RIMS2: variants seen among roughly 807,000 people sequenced by gnomAD.
RIMS2 encodes regulating synaptic membrane exocytosis protein 2.
A neutral mutation model predicts 174.4 loss-of-function variants in RIMS2; 59 were observed. That is an observed-to-expected ratio of 0.34 (90% CI 0.27 to 0.42). RIMS2 has a LOEUF of 0.42. RIMS2 is among the 10% of genes least tolerant of loss of function. RIMS2 has a pLI of 1.00. For missense variants in RIMS2, 1,620 were observed against 1,666.3 expected, an observed-to-expected ratio of 0.97 and a Z score of 0.48; for synonymous variants, 606 against 572.5, an observed-to-expected ratio of 1.06 and a Z score of -0.84.
chr8:103,922,813 G>A, intron 10 of RIMS2: 3 of 210,814 alleles, frequency 1.4e-5, no homozygotes, highest in South Asian at 5.4e-5. Context: ...AGGAGTTATA[G>A]GAAGTATATG....
intron 1 of RIMS2, among the ~76,000 whole-genome samples, chr8:103,680,286 G>A (rs192583162): frequency 3.3e-5 from 5 of 152,054 alleles, no homozygotes; most frequent in South Asian, 2.1e-4. Flanking sequence ...AAGAAAGGAC[G>A]AACTAGCTAG....
intron 19 of RIMS2, among the ~76,000 whole-genome samples, chr8:104,016,645 T>A (rs1318543219): frequency 1.3e-5 from 2 of 152,106 alleles, no homozygotes; most frequent in Non-Finnish European, 2.9e-5. Flanking sequence ...TTTATGGAAC[T>A]TTTTGTCTCT....
chr8:103,593,628 C>T (rs1470965077), intron 1 of RIMS2, among the ~76,000 whole-genome samples: 1 of 151,388 alleles, frequency 6.6e-6, no homozygotes, highest in Non-Finnish European at 1.5e-5. Context: ...AACACAGAAG[C>T]AGATATGAAA....
intron 17 of RIMS2, among the ~76,000 whole-genome samples, chr8:104,009,190 A>G (rs1256005346): frequency 2.0e-5 from 3 of 151,822 alleles, no homozygotes; most frequent in Non-Finnish European, 2.9e-5. Flanking sequence ...AATGTTTTCT[A>G]GTATATTTTA....
intron 19 of RIMS2, among the ~76,000 whole-genome samples, chr8:104,159,470 T>C (rs2134583365): frequency 6.6e-6 from 1 of 152,336 alleles, no homozygotes; most frequent in Non-Finnish European, 1.5e-5. Context: ...GCATTGAACC[T>C]ATAAATTACC....
intron 2 of RIMS2, among the ~76,000 whole-genome samples, chr8:103,741,439 T>C (rs1359870910): frequency 1.3e-5 from 2 of 152,140 alleles, no homozygotes; most frequent in African/African-American, 4.8e-5. Context: ...TCACAAATTA[T>C]TTTTAATTAT....
intron 1 of RIMS2, among the ~76,000 whole-genome samples, chr8:103,607,142 G>A (rs1189499118): frequency 6.6e-6 from 1 of 152,098 alleles, no homozygotes; most frequent in Non-Finnish European, 1.5e-5. Context: ...GCTGGTGCCG[G>A]TTGTTCCTTT....
chr8:104,197,515 G>A (rs1291890043), intron 19 of RIMS2, among the ~76,000 whole-genome samples: 2 of 152,174 alleles, frequency 1.3e-5, no homozygotes, highest in Non-Finnish European at 2.9e-5. Context: ...GGTAGAATAA[G>A]TTGTATGTCT....
intron 21 of RIMS2, 71 bp from the exon 28 acceptor site, chr8:104,249,416 A>T: frequency 1.4e-6 from 1 of 727,524 alleles, no homozygotes; most frequent in Non-Finnish European, 2.4e-6. Flanking sequence ...TGTTAAACCA[A>T]GGTCTTTGAC....
At chr8:104,079,744 G>A (rs1343502577) in intron 19 of RIMS2, among the ~76,000 whole-genome samples, 2 of 150,452 alleles carry the variant, frequency 1.3e-5, no homozygotes, top group Non-Finnish European at 3.0e-5. Flanking sequence ...TGTTTTATAT[G>A]TGGAATATTT....
chr8:103,629,580 A>T (rs1371600569), intron 1 of RIMS2, among the ~76,000 whole-genome samples: 1 of 152,256 alleles, frequency 6.6e-6, no homozygotes, highest in Admixed American at 6.5e-5. Context: ...TAAAAGGTAC[A>T]GGATACCATT....
chr8:104,114,047 A>G (rs777468421), intron 19 of RIMS2, among the ~76,000 whole-genome samples: 22 of 152,028 alleles, frequency 1.4e-4, no homozygotes, highest in African/African-American at 5.3e-4. Flanking sequence ...ACATTTAGAT[A>G]ATTAAAGACC....
chr8:103,700,548 CATAT>C (rs1043510042), intron 2 of RIMS2, among the ~76,000 whole-genome samples: 10 of 151,868 alleles, frequency 6.6e-5, no homozygotes, highest in African/African-American at 2.4e-4. Context: ...TTATAGCCAG[CATAT>C]AGTTGGATCT....
chr8:103,749,068 G>C (rs2097854280), intron 2 of RIMS2, among the ~76,000 whole-genome samples: 1 of 151,666 alleles, frequency 6.6e-6, no homozygotes, highest in Admixed American at 6.6e-5. Context: ...CAAAGTGCTG[G>C]GATTACAGGC....
At chr8:103,953,669 G>A (rs975051000) in intron 14 of RIMS2, among the ~76,000 whole-genome samples, 31 of 152,176 alleles carry the variant, frequency 2.0e-4, no homozygotes, top group Admixed American at 1.6e-3. Context: ...AAAGACCATC[G>A]ACATTATGAA....
chr8:103,585,346 C>T (rs1353543244), intron 1 of RIMS2, among the ~76,000 whole-genome samples: 13 of 152,004 alleles, frequency 8.6e-5, no homozygotes, highest in Admixed American at 5.9e-4. Flanking sequence ...CTTCTAGAAC[C>T]AGAAATACTG....
At chr8:103,935,369 A>G (rs1201533340) in intron 12 of RIMS2, among the ~76,000 whole-genome samples, 1 of 152,212 alleles carries the variant, frequency 6.6e-6, no homozygotes, top group Non-Finnish European at 1.5e-5. Flanking sequence ...AGTGTATTTA[A>G]TGTCATCTTT....
intron 19 of RIMS2, among the ~76,000 whole-genome samples, chr8:104,198,158 A>T (rs763744530): frequency 7.2e-5 from 11 of 152,130 alleles, no homozygotes; most frequent in Non-Finnish European, 1.6e-4. Flanking sequence ...TCGCCTCAAG[A>T]TCCAAAGTTT....
chr8:103,578,540 CAAAA>C (rs1391017027), intron 1 of RIMS2, among the ~76,000 whole-genome samples: 1 of 151,494 alleles, frequency 6.6e-6, no homozygotes, highest in Non-Finnish European at 1.5e-5. Flanking sequence ...AAACAAAAAA[CAAAA>C]AACAAAACAA....
Sources: gnomAD v4.1 joint callset for allele counts (sites outside exome capture counted in the v4.1 genomes callset) on GRCh38, gnomAD v4.1.1 for gene constraint, MANE v1.5 for transcripts, NCBI Gene and HGNC (gene_info 2026-07-23, HGNC 2026-07-21) for gene names.